Variants in PDZRN4 observed in about 807,000 individuals in gnomAD.
PDZRN4 encodes the protein PDZ domain containing ring finger 4, also known as PDZ domain-containing RING finger protein 4.
PDZRN4 carries 70 observed loss-of-function variants against 99.0 expected under a neutral mutation model. The observed-to-expected ratio is 0.71, with a 90% CI of 0.58 to 0.86. PDZRN4 has a LOEUF of 0.86. PDZRN4 is among the 40% of genes least tolerant of loss of function. PDZRN4 has a pLI of 0.00. For synonymous variants in PDZRN4, 551 were observed against 501.6 expected (o/e 1.10, Z -1.32); for missense variants, 1,474 against 1,331.2 (o/e 1.11, Z -1.67).
chr12:41,197,932 G>GTTTTTTTTTTTTTTTT (rs1187817105), intron 3 of PDZRN4, among the ~76,000 whole-genome samples: 2 of 24,402 alleles, frequency 8.2e-5, no homozygotes, highest in South Asian at 1.5e-3. Flanking sequence ...TTTTTTTTTT[G>GTTTTTTTTTTTTTTTT]GAGACAGGAT....
At chr12:41,234,700 T>A (rs1431114) in intron 3 of PDZRN4, among the ~76,000 whole-genome samples, 1 of 151,906 alleles carries the variant, frequency 6.6e-6, no homozygotes, top group African/African-American at 2.4e-5. Context: ...ACGTTTTCTT[T>A]TCTCAGTTGC....
intron 3 of PDZRN4, among the ~76,000 whole-genome samples, chr12:41,299,517 C>T (rs554636511): frequency 1.3e-5 from 2 of 152,086 alleles, no homozygotes; most frequent in East Asian, 3.9e-4. Flanking sequence ...ATTTTATAAT[C>T]CCCTGTTTTT....
chr12:41,376,378 A>G (rs551791895), intron 3 of PDZRN4, among the ~76,000 whole-genome samples: 64 of 152,128 alleles, frequency 4.2e-4, no homozygotes, highest in Non-Finnish European at 8.4e-4. Context: ...CCACATCCTC[A>G]TAAACATTTG....
intron 3 of PDZRN4, among the ~76,000 whole-genome samples, chr12:41,295,402 T>A (rs1035740605): frequency 1.3e-5 from 2 of 152,042 alleles, no homozygotes; most frequent in African/African-American, 4.8e-5. Flanking sequence ...AAAGATAAAA[T>A]TACTAAGAAG....
rs149371647 is a variant in PDZRN4 at position 41,336,570 on chromosome 12, C to T, written c.843+142382C>T. ...CCTAGTGGGTTCACCTTGCCTGCTG[C>T]CTAGACAGAGCCAATTTATCAAGAC... On this transcript the variant is annotated intron_variant, in intron 3 of 9. Coordinates refer to ENST00000402685, the MANE Select transcript of PDZRN4 (RefSeq NM_001164595.2). 1.7e-3 allele frequency among the ~76,000 whole-genome samples: 264 copies of T among 152,206 alleles called. 2 individuals are homozygous for T. Among genetic ancestry groups the T allele is most frequent in the African/African-American group, 6.0e-3 (251 of 41,556 alleles).
At chr12:41,272,527 G>C (rs528015842) in intron 3 of PDZRN4, among the ~76,000 whole-genome samples, 8 of 151,856 alleles carry the variant, frequency 5.3e-5, no homozygotes, top group Non-Finnish European at 1.0e-4. Context: ...TGCTTTTAAG[G>C]GTCACGGATT....
At chr12:41,353,196 C>T (rs757171844) in intron 3 of PDZRN4, among the ~76,000 whole-genome samples, 71 of 151,774 alleles carry the variant, frequency 4.7e-4, no homozygotes, top group Non-Finnish European at 8.4e-4. Flanking sequence ...GATTTTTTTT[C>T]TTGCAATGAC....
At chr12:41,549,012 G>A (rs925679018) in intron 5 of PDZRN4, among the ~76,000 whole-genome samples, 5 of 152,038 alleles carry the variant, frequency 3.3e-5, no homozygotes, top group Admixed American at 6.6e-5. Flanking sequence ...AGAATAGCAC[G>A]TCTTGAAGTA....
intron 3 of PDZRN4, among the ~76,000 whole-genome samples, chr12:41,361,574 G>A (rs1167217699): frequency 3.9e-5 from 6 of 151,980 alleles, no homozygotes; most frequent in African/African-American, 4.8e-5. Flanking sequence ...ACAATTTGAG[G>A]CCATATGGAT....
At chr12:41,427,758 C>T (rs921468693) in intron 3 of PDZRN4, among the ~76,000 whole-genome samples, 2 of 152,064 alleles carry the variant, frequency 1.3e-5, no homozygotes, top group African/African-American at 2.4e-5. Context: ...ATGCAAGGAA[C>T]ACAACAGAGA....
chr12:41,553,238 G>A (rs775461517), intron 6 of PDZRN4, among the ~76,000 whole-genome samples: 4 of 152,186 alleles, frequency 2.6e-5, no homozygotes, highest in East Asian at 1.9e-4. Flanking sequence ...ATTCAACCCC[G>A]CAAGTGAGAT....
chr12:41,539,266 G>GT (rs973979680), intron 5 of PDZRN4, among the ~76,000 whole-genome samples: 1 of 151,802 alleles, frequency 6.6e-6, no homozygotes, highest in Non-Finnish European at 1.5e-5. Context: ...AATATCCTGA[G>GT]TTTTTTGGGA....
chr12:41,222,405 T>G (rs757381381), intron 3 of PDZRN4, among the ~76,000 whole-genome samples: 3 of 152,198 alleles, frequency 2.0e-5, no homozygotes, highest in African/African-American at 4.8e-5. Context: ...AACAGGTTGC[T>G]GCTGTACTCG....
chr12:41,295,236 C>A lies in PDZRN4; in HGVS notation c.843+101048C>A, dbSNP rs564436190. Among the ~76,000 whole-genome samples the A allele has an allele frequency of 8.5e-5, 13 of 152,138 alleles. No homozygotes were observed. In the East Asian group the frequency reaches 2.1e-3, roughly 25 times the overall value. On this transcript the variant is annotated intron_variant, in intron 3 of 9. Coordinates refer to ENST00000402685, the MANE Select transcript of PDZRN4 (RefSeq NM_001164595.2). Reference sequence around the variant, plus strand: ...CACCTGAAGGTGTACTCTGGCCAAACCATCATGAAAATTAAAAAAAGGATT... The same window carrying A: ...CACCTGAAGGTGTACTCTGGCCAAAACATCATGAAAATTAAAAAAAGGATT...
At chr12:41,428,003 G>T (rs533614258) in intron 3 of PDZRN4, among the ~76,000 whole-genome samples, 1 of 152,070 alleles carries the variant, frequency 6.6e-6, no homozygotes, top group Non-Finnish European at 1.5e-5. Flanking sequence ...CAGGAGAATC[G>T]GTTGAACCCG....
rs190403753 is a variant in PDZRN4, at chr12:41,386,564, G to A, written c.844-119892G>A. Among the ~76,000 whole-genome samples the A allele has an allele frequency of 1.2e-3, 183 of 152,232 alleles. 1 individual carries two copies. Among genetic ancestry groups the A allele is most frequent in the African/African-American group, 4.2e-3 (175 of 41,552 alleles). On this transcript the variant is annotated intron_variant, in intron 3 of 9. Transcript: ENST00000402685. ...CCACACTTCCCAAAGCAATTTATAAGTTCAATGCTATACCTATTAAACTAC... is the reference window on the plus strand; with the variant it reads ...CCACACTTCCCAAAGCAATTTATAAATTCAATGCTATACCTATTAAACTAC...
intron 3 of PDZRN4, among the ~76,000 whole-genome samples, chr12:41,497,295 AT>A (rs1421843466): frequency 6.6e-6 from 1 of 151,954 alleles, no homozygotes; most frequent in African/African-American, 2.4e-5. Flanking sequence ...TGACAATGAC[AT>A]TTTTTTCCCA....
At chr12:41,546,663 A>T (rs146253670) in intron 5 of PDZRN4, among the ~76,000 whole-genome samples, 1 of 152,112 alleles carries the variant, frequency 6.6e-6, no homozygotes, top group South Asian at 2.1e-4. Context: ...CAAAAAAAAG[A>T]TACTACATCT....
intron 3 of PDZRN4, among the ~76,000 whole-genome samples, chr12:41,314,466 C>A (rs1388069929): frequency 6.6e-6 from 1 of 152,158 alleles, no homozygotes; most frequent in Non-Finnish European, 1.5e-5. Flanking sequence ...GTACAATTTA[C>A]AGATGTAGAA....
Sources: gnomAD v4.1 joint callset for allele counts (sites outside exome capture counted in the v4.1 genomes callset) on GRCh38, gnomAD v4.1.1 for gene constraint, MANE v1.5 for transcripts, NCBI Gene and HGNC (gene_info 2026-07-23, HGNC 2026-07-21) for gene names.